Variants in DPY19L3 observed in about 807,000 individuals in gnomAD.
DPY19L3 encodes dpy-19 like C-mannosyltransferase 3.
DPY19L3 carries 51 observed loss-of-function variants against 92.3 expected under a neutral mutation model. The observed-to-expected ratio is 0.55, with a 90% CI of 0.44 to 0.70. The LOEUF is 0.70. Among genes scored for constraint, DPY19L3 ranks in the 30% least tolerant of loss-of-function variants. DPY19L3 has a pLI of 0.00. For synonymous variants in DPY19L3, 309 were observed against 315.2 expected (o/e 0.98, Z 0.21); for missense variants, 706 against 855.9 (o/e 0.82, Z 2.18).
chr19:32,468,340 T>C, intron 15 of DPY19L3: 1 of 991,430 alleles, frequency 1.0e-6, no homozygotes, highest in Non-Finnish European at 1.2e-6. Flanking sequence ...TAGGGGTAAA[T>C]TGCATGGTAT....
At chr19:32,428,981 G>A (rs1269647063) in intron 3 of DPY19L3, among the ~76,000 whole-genome samples, 2 of 152,078 alleles carry the variant, frequency 1.3e-5, no homozygotes, top group Non-Finnish European at 2.9e-5. Context: ...CTGAGTAGCT[G>A]GGATTACAGG....
At chr19:32,469,973 T>C (rs1970308130) in intron 16 of DPY19L3, among the ~76,000 whole-genome samples, 1 of 152,208 alleles carries the variant, frequency 6.6e-6, no homozygotes, top group Non-Finnish European at 1.5e-5. Context: ...CTGCGTCCCA[T>C]GGCTAATGCT....
chr19:32,417,642 G>T (rs547209234), intron 3 of DPY19L3, among the ~76,000 whole-genome samples: 2 of 152,274 alleles, frequency 1.3e-5, no homozygotes, highest in Admixed American at 1.3e-4. Context: ...TTATAGAGGG[G>T]AGTTCCCCGT....
At chr19:32,468,875 C>T in intron 16 of DPY19L3, 62 bp downstream of exon 16, 1 of 1,497,318 alleles carries the variant, frequency 6.7e-7, no homozygotes, top group Non-Finnish European at 9.0e-7. Context: ...CTATAGACCA[C>T]ATTTCGTTTT....
rs116129892 is a variant in DPY19L3 at position 32,420,596 on chromosome 19, C to T, written c.237+9224C>T. On this transcript the variant is annotated intron_variant, in intron 3 of 18. Transcript: ENST00000392250. Reference sequence around the variant, plus strand: ...AGTAGAGTAGCTGGGATTATAGGTGCGCACCACCGTGCCCAGCTAACTTTT... The same window carrying T: ...AGTAGAGTAGCTGGGATTATAGGTGTGCACCACCGTGCCCAGCTAACTTTT... Among the ~76,000 whole-genome samples the T allele has an allele frequency of 8.0e-3, 1,216 of 151,916 alleles. 19 individuals carry two copies. Among genetic ancestry groups the T allele is most frequent in the African/African-American group, 0.028 (1,172 of 41,420 alleles).
intron 8 of DPY19L3, among the ~76,000 whole-genome samples, chr19:32,446,424 A>G (rs979156464): frequency 2.0e-5 from 3 of 152,210 alleles, no homozygotes; most frequent in African/African-American, 7.2e-5. Flanking sequence ...ATACTAATTA[A>G]AGAGATGGCA....
chr19:32,410,145 TCA>T (rs1321619367), intron 2 of DPY19L3, among the ~76,000 whole-genome samples: 1 of 152,222 alleles, frequency 6.6e-6, no homozygotes, highest in African/African-American at 2.4e-5. Context: ...TAAGTATAAC[TCA>T]CAGTTTTGAT....
At chr19:32,432,264 G>A (rs181008721) in intron 3 of DPY19L3, among the ~76,000 whole-genome samples, 17 of 152,220 alleles carry the variant, frequency 1.1e-4, no homozygotes, top group Admixed American at 5.2e-4. Context: ...CTTCCCACCA[G>A]GGTTACGCTT....
At chr19:32,412,618 A>G (rs1311061085) in intron 3 of DPY19L3, 2 of 152,184 alleles carry the variant, frequency 1.3e-5, no homozygotes, top group Admixed American at 1.3e-4. Context: ...TTTCCAGGGA[A>G]AGGAACTGTA....
At chr19:32,410,440 T>TC (rs975071082) in intron 2 of DPY19L3, among the ~76,000 whole-genome samples, 1 of 152,018 alleles carries the variant, frequency 6.6e-6, no homozygotes, top group Non-Finnish European at 1.5e-5. Flanking sequence ...TGTGGGTTTT[T>TC]CCCCCCAGAG....
At chr19:32,450,626 G>A (rs1969669221) in intron 8 of DPY19L3, among the ~76,000 whole-genome samples, 1 of 152,160 alleles carries the variant, frequency 6.6e-6, no homozygotes, top group South Asian at 2.1e-4. Flanking sequence ...TAAAAAGACT[G>A]CACTTTATTC....
At chr19:32,469,674 T>G (rs1970298603) in intron 16 of DPY19L3, among the ~76,000 whole-genome samples, 1 of 152,090 alleles carries the variant, frequency 6.6e-6, no homozygotes, top group East Asian at 1.9e-4. Flanking sequence ...GAACTTTCCG[T>G]CTTGAATATC....
At chr19:32,414,248 G>T (rs1228936158) in intron 3 of DPY19L3, among the ~76,000 whole-genome samples, 1 of 151,980 alleles carries the variant, frequency 6.6e-6, no homozygotes, top group African/African-American at 2.4e-5. Flanking sequence ...GTGAAATCCC[G>T]TCTGTACTAA....
At chr19:32,431,122 G>A (rs982125595) in intron 3 of DPY19L3, among the ~76,000 whole-genome samples, 4 of 152,136 alleles carry the variant, frequency 2.6e-5, no homozygotes, top group Admixed American at 6.5e-5. Flanking sequence ...GCTCACGCCT[G>A]TAATCCCAGC....
intron 18 of DPY19L3, 159 bp from the exon 19 acceptor site, chr19:32,481,920 G>A: frequency 1.3e-6 from 1 of 750,734 alleles, no homozygotes; most frequent in Non-Finnish European, 2.1e-6. Context: ...GGGGGAAAAG[G>A]ATGGCCCTGA....
At chr19:32,418,237 C>T (rs1012049341) in intron 3 of DPY19L3, among the ~76,000 whole-genome samples, 15 of 151,912 alleles carry the variant, frequency 9.9e-5, no homozygotes, top group African/African-American at 3.6e-4. Context: ...TTTGTTCAAG[C>T]AGTAGTCCAT....
intron 2 of DPY19L3, among the ~76,000 whole-genome samples, chr19:32,408,630 C>T (rs1968067144): frequency 6.6e-6 from 1 of 152,156 alleles, no homozygotes; most frequent in Non-Finnish European, 1.5e-5. Flanking sequence ...AATGGTCCCC[C>T]CACCCACACC....
At position 32,454,975 on chromosome 19, in the gene DPY19L3, G is replaced by A; in HGVS notation, c.1024G>A (p.Gly342Arg). 6.4e-7 allele frequency: 1 copy of A among 1,573,682 alleles called. No individual in the cohort carries two copies. ...LKTGSFLNRL[G>R]KLLLHLFMVL... ...AACTGGAAGCTTCCTTAATAGGCTTGGGAAACTTTTGTTACATTTATTTAT... is the reference window on the plus strand; with the variant it reads ...AACTGGAAGCTTCCTTAATAGGCTTAGGAAACTTTTGTTACATTTATTTAT... Residue 342 changes from glycine to arginine, a missense_variant, in exon 10 of 19, where the codon GGG becomes AGG. Gly to Arg is a moderately radical substitution (Grantham distance 125, BLOSUM62 -2). Coordinates refer to ENST00000392250, the MANE Select transcript of DPY19L3 (RefSeq NM_001172774.2).
At position 32,468,729 on chromosome 19, in the gene DPY19L3, A is replaced by G. The variant is rs1199101795; in HGVS notation, c.1615-2A>G. 1.2e-6 allele frequency: 2 copies of G among 1,613,502 alleles called. No homozygotes were observed. Among genetic ancestry groups the G allele is most frequent in the Non-Finnish European group, 1.7e-6 (2 of 1,179,806 alleles). On this transcript the variant is annotated splice_acceptor_variant, in intron 15 of 18. Transcript: ENST00000392250. LOFTEE classifies it high-confidence loss of function. Reference sequence around the variant, plus strand: ...TTTGTTTTGTTTTGTTTTTAATTTCAGTTCTGGCCAGGAATGATGGATGAA... The same window carrying G: ...TTTGTTTTGTTTTGTTTTTAATTTCGGTTCTGGCCAGGAATGATGGATGAA...
Sources: gnomAD v4.1 joint callset for allele counts (sites outside exome capture counted in the v4.1 genomes callset) on GRCh38, gnomAD v4.1.1 for gene constraint, MANE v1.5 for transcripts, NCBI Gene and HGNC (gene_info 2026-07-23, HGNC 2026-07-21) for gene names.